Variants in GRXCR1 observed in about 807,000 individuals in gnomAD.
GRXCR1 encodes the protein glutaredoxin and cysteine rich domain containing 1.
A neutral mutation model predicts 27.3 loss-of-function variants in GRXCR1; 27 were observed. The ratio of observed to expected loss-of-function variants is 0.99; its 90% CI spans 0.73 to 1.37. The LOEUF (loss-of-function observed/expected upper bound fraction) is 1.37. Among genes scored for constraint, GRXCR1 ranks in the 40% most tolerant of loss-of-function variants. The pLI, the probability that GRXCR1 is intolerant of heterozygous loss-of-function variation, is 0.00. For missense variants in GRXCR1, 379 were observed against 354.4 expected (o/e 1.07, Z -0.56); for synonymous variants, 122 against 131.1 (o/e 0.93, Z 0.47).
intron 3 of GRXCR1, among the ~76,000 whole-genome samples, chr4:43,027,928 G>A (rs888997501): frequency 6.6e-6 from 1 of 152,138 alleles, no homozygotes; most frequent in East Asian, 1.9e-4. Flanking sequence ...GACCAACATG[G>A]TGAAACCCCA....
rs147856701 is a variant in GRXCR1, at chr4:42,967,456, G to A, written c.627+4322G>A. ...TTTACTAACTTAATCCAAATTTTTTGGAAATATTTCTTTTATATCTCACTT... is the reference window on the plus strand; with the variant it reads ...TTTACTAACTTAATCCAAATTTTTTAGAAATATTTCTTTTATATCTCACTT... On this transcript the variant is annotated intron_variant, in intron 2 of 3. Transcript: ENST00000399770. Among the ~76,000 whole-genome samples, 286 of 151,490 alleles carry A rather than the reference G, an allele frequency of 1.9e-3. 2 individuals are homozygous for A. Among genetic ancestry groups the A allele is most frequent in the African/African-American group, 6.7e-3 (276 of 41,088 alleles).
intron 1 of GRXCR1, among the ~76,000 whole-genome samples, chr4:42,915,226 T>G (rs549664944): frequency 6.6e-6 from 1 of 152,228 alleles, no homozygotes; most frequent in East Asian, 1.9e-4. Context: ...AAATCTGGTT[T>G]GATCCAATGT....
intron 2 of GRXCR1, among the ~76,000 whole-genome samples, chr4:42,988,458 A>T (rs540261791): frequency 6.6e-6 from 1 of 152,322 alleles, no homozygotes; most frequent in South Asian, 2.1e-4. Flanking sequence ...ATTATTCACA[A>T]AAAATAACCT....
intron 1 of GRXCR1, among the ~76,000 whole-genome samples, chr4:42,920,962 A>G (rs1746996009): frequency 6.6e-6 from 1 of 152,104 alleles, no homozygotes; most frequent in South Asian, 2.1e-4. Flanking sequence ...TCTCTATTAC[A>G]GAAAACAAAT....
At chr4:43,003,864 G>A (rs187407970) in intron 2 of GRXCR1, among the ~76,000 whole-genome samples, 15 of 152,364 alleles carry the variant, frequency 9.8e-5, no homozygotes, top group African/African-American at 3.4e-4. Context: ...GCCTGACCAT[G>A]TGGTAGAAAA....
intron 1 of GRXCR1, among the ~76,000 whole-genome samples, chr4:42,908,978 G>C (rs1394969861): frequency 1.3e-5 from 2 of 152,138 alleles, no homozygotes; most frequent in Non-Finnish European, 2.9e-5. Context: ...ATGGCACCAG[G>C]TTCAAGAAGC....
At chr4:42,946,954 T>G (rs909890691) in intron 1 of GRXCR1, among the ~76,000 whole-genome samples, 89 of 152,216 alleles carry the variant, frequency 5.8e-4, no homozygotes, top group African/African-American at 2.1e-3. Flanking sequence ...GAGTTAGTGC[T>G]GGGGGTGCAG....
At chr4:42,961,691 A>G (rs1748132179) in intron 1 of GRXCR1, among the ~76,000 whole-genome samples, 1 of 152,018 alleles carries the variant, frequency 6.6e-6, no homozygotes, top group African/African-American at 2.4e-5. Context: ...CATCTTTATT[A>G]CATTTTATCA....
Position 42,986,936 on chromosome 4 carries a change from C to A in GRXCR1, c.627+23802C>A, listed in dbSNP as rs531013201. Among the ~76,000 whole-genome samples, 3 of 150,908 alleles carry A rather than the reference C, an allele frequency of 2.0e-5. No individual in the cohort carries two copies. In the South Asian group the frequency reaches 6.3e-4, roughly 32 times the overall value. On this transcript the variant is annotated intron_variant, in intron 2 of 3. Transcript: ENST00000399770. ...CATTGAGTACCTTCTGTGCGATGTT[C>A]TAGAGGGTAAAAGATTTTTAAACAC... is the stretch of plus-strand genomic sequence containing the variant.
chr4:43,004,632 G>T (rs1181914028), intron 2 of GRXCR1, among the ~76,000 whole-genome samples: 1 of 152,200 alleles, frequency 6.6e-6, no homozygotes, highest in Admixed American at 6.5e-5. Flanking sequence ...GTAGTCAAAG[G>T]AGATTATTTT....
chr4:43,023,820 AAAAG>A (rs1228376467), intron 3 of GRXCR1, among the ~76,000 whole-genome samples: 1 of 152,224 alleles, frequency 6.6e-6, no homozygotes, highest in Non-Finnish European at 1.5e-5. Flanking sequence ...TCAAGAGATG[AAAAG>A]AAAGAGAAAA....
intron 1 of GRXCR1, among the ~76,000 whole-genome samples, chr4:42,895,164 G>A (rs1410039645): frequency 6.6e-6 from 1 of 151,876 alleles, no homozygotes; most frequent in Non-Finnish European, 1.5e-5. Context: ...TCACAAAAAA[G>A]AAAGAGAAGA....
At chr4:42,960,900 A>C (rs1206569386) in intron 1 of GRXCR1, among the ~76,000 whole-genome samples, 1 of 151,872 alleles carries the variant, frequency 6.6e-6, no homozygotes, top group African/African-American at 2.4e-5. Flanking sequence ...TTTGTTATGT[A>C]GGTAAATGTG....
intron 1 of GRXCR1, among the ~76,000 whole-genome samples, chr4:42,936,512 C>G (rs932931802): frequency 9.2e-5 from 14 of 151,732 alleles, no homozygotes; most frequent in Non-Finnish European, 5.9e-5. Context: ...GACCAACACC[C>G]AACGTTTCCT....
intron 3 of GRXCR1, among the ~76,000 whole-genome samples, chr4:43,030,035 G>A (rs73179412): frequency 0.013 from 1,983 of 152,184 alleles, 38 homozygotes; most frequent in African/African-American, 0.045. Context: ...AATACAAAAA[G>A]CCAGCTTCTG....
At chr4:42,942,627 T>C (rs1408068660) in intron 1 of GRXCR1, among the ~76,000 whole-genome samples, 1 of 152,118 alleles carries the variant, frequency 6.6e-6, no homozygotes, top group Non-Finnish European at 1.5e-5. Flanking sequence ...CTAATAATCA[T>C]GAGGGCTTCT....
At chr4:43,012,957 CTAAT>C (rs1712806896) in intron 2 of GRXCR1, among the ~76,000 whole-genome samples, 1 of 152,088 alleles carries the variant, frequency 6.6e-6, no homozygotes, top group Admixed American at 6.6e-5. Flanking sequence ...CTCAACATCA[CTAAT>C]TATCAGAGCA....
At chr4:42,961,008 A>T (rs1255661891) in intron 1 of GRXCR1, among the ~76,000 whole-genome samples, 1 of 151,372 alleles carries the variant, frequency 6.6e-6, no homozygotes, top group Non-Finnish European at 1.5e-5. Flanking sequence ...TCCCCACCTC[A>T]CCCTCTGACA....
chr4:42,945,393 T>C (rs1285327304), intron 1 of GRXCR1, among the ~76,000 whole-genome samples: 1 of 152,186 alleles, frequency 6.6e-6, no homozygotes, highest in East Asian at 1.9e-4. Context: ...CGAAAGGAGA[T>C]GGACAGTGAA....
Sources: gnomAD v4.1 joint callset for allele counts (sites outside exome capture counted in the v4.1 genomes callset) on GRCh38, gnomAD v4.1.1 for gene constraint, MANE v1.5 for transcripts, NCBI Gene and HGNC (gene_info 2026-07-23, HGNC 2026-07-21) for gene names.